Variants in SCUBE1 observed in about 807,000 individuals in gnomAD.
SCUBE1 encodes signal peptide, CUB and EGF-like domain-containing protein 1.
In SCUBE1, 59 loss-of-function variants were observed where a neutral mutation model predicts 124.4. That is an observed-to-expected ratio of 0.47 (90% CI 0.38 to 0.59). The LOEUF (loss-of-function observed/expected upper bound fraction) is 0.59. SCUBE1 is among the 20% of genes least tolerant of loss of function. SCUBE1 has a pLI of 0.00. For missense variants in SCUBE1, 1,150 were observed against 1,371.2 expected (o/e 0.84, Z 2.55); for synonymous variants, 545 against 550.9 (o/e 0.99, Z 0.15).
chr22:43,208,026 C>G (rs750079301), intron 20 of SCUBE1, 46 bp downstream of exon 20: 109 of 1,606,652 alleles, frequency 6.8e-5, no homozygotes, highest in Non-Finnish European at 8.5e-5. Context: ...TCTCCAGGGC[C>G]CCGCCTGAGC....
chr22:43,289,019 C>G (rs527759866), intron 4 of SCUBE1, among the ~76,000 whole-genome samples: 37 of 152,372 alleles, frequency 2.4e-4, no homozygotes, highest in Admixed American at 4.6e-4. Flanking sequence ...CGGGTGTGAT[C>G]TGCCCACAGC....
intron 4 of SCUBE1, among the ~76,000 whole-genome samples, chr22:43,265,369 A>G (rs1924023696): frequency 6.6e-6 from 1 of 152,202 alleles, no homozygotes; most frequent in African/African-American, 2.4e-5. Flanking sequence ...ACTAAGCAAC[A>G]GAATCGCAGA....
chr22:43,263,432 T>C (rs1174368133), intron 4 of SCUBE1, among the ~76,000 whole-genome samples: 2 of 152,198 alleles, frequency 1.3e-5, no homozygotes, highest in Admixed American at 1.3e-4. Context: ...GGGAAGCGCC[T>C]CTGTCTGCCA....
At chr22:43,259,607 C>T (rs749211454) in intron 5 of SCUBE1, among the ~76,000 whole-genome samples, 6 of 152,208 alleles carry the variant, frequency 3.9e-5, no homozygotes, top group Non-Finnish European at 7.3e-5. Context: ...TTCCTGCCCA[C>T]CTGTCCTGAG....
chr22:43,252,419 C>T lies in SCUBE1; in HGVS notation c.727+5800G>A, dbSNP rs569199216. On this transcript the variant is annotated intron_variant, in intron 6 of 21. Coordinates refer to ENST00000360835, the MANE Select transcript of SCUBE1 (RefSeq NM_173050.5). ...TTGGCTTGCAGGTTCTGCCAGGGGA[C>T]GGGGATCTGAGCATCCGAGCCGCTC... Among the ~76,000 whole-genome samples, 7 of 152,290 alleles carry T rather than the reference C, an allele frequency of 4.6e-5. No homozygotes were observed. In the South Asian group the frequency reaches 6.2e-4, roughly 14 times the overall value.
chr22:43,286,929 C>T (rs973680857), intron 4 of SCUBE1, among the ~76,000 whole-genome samples: 1 of 152,158 alleles, frequency 6.6e-6, no homozygotes, highest in African/African-American at 2.4e-5. Context: ...TCCAGGAGGC[C>T]ACATCTTCCT....
At chr22:43,270,698 G>A (rs1490386501) in intron 4 of SCUBE1, 1 of 152,288 alleles carries the variant, frequency 6.6e-6, no homozygotes, top group Admixed American at 6.5e-5. Flanking sequence ...TGTGGTCACT[G>A]AGTAGGACAT....
rs1569011034 is a variant in SCUBE1, at chr22:43,281,536, TCAG to T, written c.484+9507_484+9509del. Among the ~76,000 whole-genome samples the T allele has an allele frequency of 2.1e-3, 157 of 75,158 alleles. 4 individuals are homozygous for T. Among genetic ancestry groups the T allele is most frequent in the East Asian group, 7.0e-3 (7 of 1,006 alleles). 49.3% of individuals were successfully genotyped at this position (75,158 alleles called of 152,430 possible). A position where few individuals can be genotyped will look rare whatever the true frequency, so the allele number is the denominator to read the frequency against. On this transcript the variant is annotated intron_variant, in intron 4 of 21. Transcript: ENST00000360835. ...CTCAGCCACCCTCCTGTCACCTCCC[TCAG>T]TCACCCTCCTGTCACCTCCCCCTCA...
At chr22:43,320,304 C>T (rs1926500503) in intron 2 of SCUBE1, among the ~76,000 whole-genome samples, 1 of 152,174 alleles carries the variant, frequency 6.6e-6, no homozygotes, top group Non-Finnish European at 1.5e-5. Context: ...TCCACGGAGC[C>T]AGTGTACAAT....
chr22:43,317,680 G>GT (rs929408767), intron 3 of SCUBE1, among the ~76,000 whole-genome samples: 5 of 152,230 alleles, frequency 3.3e-5, no homozygotes, highest in African/African-American at 1.2e-4. Flanking sequence ...TGAGAGCCAC[G>GT]TGTTTCCCAT....
chr22:43,320,573 G>A (rs1029265274), intron 2 of SCUBE1, among the ~76,000 whole-genome samples: 1 of 152,172 alleles, frequency 6.6e-6, no homozygotes, highest in Non-Finnish European at 1.5e-5. Flanking sequence ...TTCCCATCAG[G>A]GGTCAAAGGG....
At chr22:43,222,322 A>G (rs1222229803) in intron 12 of SCUBE1, among the ~76,000 whole-genome samples, 1 of 152,188 alleles carries the variant, frequency 6.6e-6, no homozygotes, top group East Asian at 1.9e-4. Flanking sequence ...GCCACAGCAG[A>G]TGTGGCTTGC....
At chr22:43,260,722 T>C (rs1373724334) in intron 5 of SCUBE1, among the ~76,000 whole-genome samples, 3 of 152,200 alleles carry the variant, frequency 2.0e-5, no homozygotes, top group African/African-American at 7.2e-5. Flanking sequence ...CTTGGTGATA[T>C]TCAGCCACCC....
At chr22:43,319,106 T>C (rs1157765314) in intron 3 of SCUBE1, among the ~76,000 whole-genome samples, 1 of 152,176 alleles carries the variant, frequency 6.6e-6, no homozygotes, top group East Asian at 1.9e-4. Flanking sequence ...CCAAATTGTG[T>C]CACTTCAAAA....
intron 6 of SCUBE1, among the ~76,000 whole-genome samples, chr22:43,244,746 T>G (rs535933729): frequency 8.9e-4 from 136 of 152,364 alleles, no homozygotes; most frequent in African/African-American, 3.1e-3. Context: ...TGAACATCGC[T>G]GAGGTGCTTT....
At chr22:43,318,590 C>T (rs1350715401) in intron 3 of SCUBE1, among the ~76,000 whole-genome samples, 1 of 152,188 alleles carries the variant, frequency 6.6e-6, no homozygotes, top group African/African-American at 2.4e-5. Context: ...ATCTGATCAC[C>T]ACTATGGTAA....
intron 10 of SCUBE1, 46 bp from the exon 11 acceptor site, chr22:43,223,262 G>A (rs1322104494): frequency 6.5e-7 from 1 of 1,534,076 alleles, no homozygotes; most frequent in Middle Eastern, 1.7e-4. Context: ...CCAGGGCGGA[G>A]GCTTCCTGGA....
chr22:43,222,628 G>C lies in SCUBE1; in HGVS notation c.1432+10C>G. On this transcript the variant is annotated intron_variant, in intron 12 of 21. Coordinates refer to ENST00000360835, the MANE Select transcript of SCUBE1 (RefSeq NM_173050.5). ...AGTGGCATGCAGCATGGACAGGCCG[G>C]GGGGGTTACCTGAGCAGCTGGGCCC... is the stretch of plus-strand genomic sequence containing the variant. 3 of 1,424,290 alleles carry C rather than the reference G, an allele frequency of 2.1e-6. No homozygotes were observed. Among genetic ancestry groups the C allele is most frequent in the Non-Finnish European group, 2.7e-6 (3 of 1,092,140 alleles). 88.2% of individuals were successfully genotyped at this position (1,424,290 alleles called of 1,614,324 possible).
intron 3 of SCUBE1, among the ~76,000 whole-genome samples, chr22:43,310,311 C>A (rs562002515): frequency 4.3e-4 from 65 of 152,254 alleles, no homozygotes; most frequent in Middle Eastern, 3.4e-3. Flanking sequence ...TTACCCCGGG[C>A]AGACCTCTGT....
Sources: allele counts gnomAD v4.1 joint callset (sites outside exome capture counted in the v4.1 genomes callset), GRCh38; gene constraint gnomAD v4.1.1; transcripts MANE v1.5; gene names NCBI Gene and HGNC (gene_info 2026-07-23, HGNC 2026-07-21).